Variants in DST observed in about 807,000 individuals in gnomAD.
DST encodes the protein bullous pemphigoid antigen.
DST carries 253 observed loss-of-function variants against 875.2 expected under a neutral mutation model. That is an observed-to-expected ratio of 0.29 (90% confidence interval 0.26 to 0.32). The LOEUF is 0.32. Among genes scored for constraint, DST ranks in the 10% least tolerant of loss-of-function variants. The pLI, the probability that DST is intolerant of heterozygous loss-of-function variation, is 1.00. For missense variants in DST, 8,287 were observed against 9,111.6 expected, an observed-to-expected ratio of 0.91 and a Z score of 3.68; for synonymous variants, 3,124 against 3,197.1, an observed-to-expected ratio of 0.98 and a Z score of 0.77.
At chr6:56,567,570 C>G (rs2097702008) in intron 55 of DST, among the ~76,000 whole-genome samples, 1 of 145,828 alleles carries the variant, frequency 6.9e-6, no homozygotes, top group Non-Finnish European at 1.5e-5. Flanking sequence ...AAAAAAACAA[C>G]AAAACTTCAC....
intron 55 of DST, among the ~76,000 whole-genome samples, chr6:56,567,429 TAAA>T (rs61119609): frequency 1.9e-5 from 2 of 104,846 alleles, no homozygotes; most frequent in Non-Finnish European, 3.8e-5. Flanking sequence ...TTACCAAGAG[TAAA>T]AAAAAAAAAA....
intron 3 of DST, among the ~76,000 whole-genome samples, chr6:56,889,748 A>T (rs1172553881): frequency 2.0e-5 from 3 of 152,272 alleles, no homozygotes; most frequent in Admixed American, 6.5e-5. Context: ...AAACACATAA[A>T]TACTTTTTGG....
chr6:56,785,544 C>G (rs550880704), intron 4 of DST, among the ~76,000 whole-genome samples: 3 of 152,288 alleles, frequency 2.0e-5, no homozygotes, highest in East Asian at 3.9e-4. Flanking sequence ...CCTGGTGCAC[C>G]GTTTCCTAAG....
intron 36 of DST, chr6:56,617,379 T>C: frequency 1.2e-6 from 2 of 1,613,890 alleles, no homozygotes; most frequent in Non-Finnish European, 1.7e-6. Flanking sequence ...TTTAATGTTG[T>C]GACTTCTGTA....
At position 56,532,420 on chromosome 6, in the gene DST, C is replaced by T. The variant is rs2096911905; in HGVS notation, c.17032G>A (p.Asp5678Asn). Residue 5678 changes from aspartate (D) to asparagine (N), a missense_variant, in exon 64 of 104, where the codon GAT becomes AAT. Physicochemically the swap from Asp to Asn is conservative, Grantham distance 23. Around this residue, in one of 10 missense-constraint regions of DST, gnomAD observed 777 missense variants for 764.8 expected, o/e 1.02. Transcript: ENST00000680361. ...EKIATTAEPADKVKILKQLSL... is the reference protein window; with the variant it reads ...EKIATTAEPANKVKILKQLSL... ...AGCTGTTTCAAAATCTTCACTTTAT[C>T]TGCGGGCTCTGCTGTTGTAGCAATT... 1 of 1,613,378 alleles carries T rather than the reference C, an allele frequency of 6.2e-7. No individual in the cohort carries two copies. Among genetic ancestry groups the T allele is most frequent in the Non-Finnish European group, 8.5e-7 (1 of 1,179,658 alleles).
intron 4 of DST, among the ~76,000 whole-genome samples, chr6:56,832,360 C>G (rs1055160256): frequency 6.6e-6 from 1 of 152,040 alleles, no homozygotes; most frequent in African/African-American, 2.4e-5. Context: ...GTAAGTCTCA[C>G]GAGATTCTGA....
At position 56,843,405 on chromosome 6, in the gene DST, T is replaced by C. The variant is rs980466193; in HGVS notation, c.625+7992A>G. 1.5e-5 allele frequency: 17 copies of C among 1,105,084 alleles called. 1 individual carries two copies. The highest frequency in any genetic ancestry group is 1.5e-4 in the East Asian group (3 of 19,924). The allele number at this position is 1,105,084 out of a possible 1,614,324, so 68.5% of individuals were successfully genotyped here. ...TCCGGGAGCCCGAGTCCCTCTCGGG[T>C]TTCAGCAGCGGCAAATCTCAGCGAG... On this transcript the variant is annotated intron_variant, in intron 4 of 103. Transcript: ENST00000680361.
At chr6:56,532,093 C>T (rs1400111700) in intron 64 of DST, among the ~76,000 whole-genome samples, 1 of 152,068 alleles carries the variant, frequency 6.6e-6, no homozygotes, top group African/African-American at 2.4e-5. Flanking sequence ...CAGGCAGTAA[C>T]TATGTAATAA....
intron 3 of DST, 45 bp downstream of exon 3, chr6:56,900,376 T>C (rs781575780): frequency 2.3e-5 from 30 of 1,300,782 alleles, no homozygotes; most frequent in Non-Finnish European, 2.8e-5. Flanking sequence ...CCACATGATT[T>C]GACAGTGAAT....
chr6:56,627,687 G>T (rs1014886220), intron 33 of DST, among the ~76,000 whole-genome samples: 1 of 152,106 alleles, frequency 6.6e-6, no homozygotes, highest in African/African-American at 2.4e-5. Context: ...TAGGAACCTA[G>T]AAAACTATTG....
At chr6:56,751,517 A>G (rs910877674) in intron 4 of DST, among the ~76,000 whole-genome samples, 4 of 152,156 alleles carry the variant, frequency 2.6e-5, no homozygotes, top group Non-Finnish European at 5.9e-5. Flanking sequence ...CAATTTGTAC[A>G]ATACTTTTTA....
intron 49 of DST, among the ~76,000 whole-genome samples, chr6:56,585,026 G>A (rs1585660986): frequency 6.6e-6 from 1 of 150,808 alleles, no homozygotes; most frequent in Non-Finnish European, 1.5e-5. Context: ...TTGCATCAAT[G>A]TTCATCAAGG....
chr6:56,553,058 T>C lies in DST; in HGVS notation c.15734A>G (p.Asp5245Gly). The change falls in exon 61 of 104, where the codon GAT becomes GGT. Residue 5245 changes from aspartate (D) to glycine (G), a missense_variant. Physicochemically the swap from Asp to Gly is moderately conservative, Grantham distance 94. This residue lies in a region of DST where 1,513 missense variants were observed against 1,677.8 expected (regional missense o/e 0.90). Transcript: ENST00000680361. ...CTTCTGGATCAGTGACTTATTCTCA[T>C]CTGTAACAACTTCTTTATCTATCTC... ...VCEIDKEVVTDENKSLIQKVD... is the reference protein window; with the variant it reads ...VCEIDKEVVTGENKSLIQKVD... The C allele has an allele frequency of 5.6e-6, 9 of 1,613,938 alleles. No individual in the cohort carries two copies. Among genetic ancestry groups the C allele is most frequent in the Non-Finnish European group, 7.6e-6 (9 of 1,179,906 alleles).
chr6:56,642,873 G>A lies in DST; in HGVS notation c.1779-370C>T, dbSNP rs1395674128. 30 of 1,598,044 alleles carry A rather than the reference G, an allele frequency of 1.9e-5. No individual in the cohort carries two copies. The Admixed American group carries it at 2.5e-4, about 13-fold the overall frequency. On this transcript the variant is annotated intron_variant, in intron 15 of 103. Transcript: ENST00000680361. ...GTCTGGAAAAAGCTCTACTTCTAACGGTGAAAAGTGGCAGCTGAATATTAC... is the reference window on the plus strand; with the variant it reads ...GTCTGGAAAAAGCTCTACTTCTAACAGTGAAAAGTGGCAGCTGAATATTAC...
At chr6:56,460,058 G>A (rs1166870872) in intron 103 of DST, 73 bp downstream of exon 103, 1 of 1,502,650 alleles carries the variant, frequency 6.7e-7, no homozygotes, top group Non-Finnish European at 8.9e-7. Context: ...CCCCAATGAG[G>A]AGGAAAAGGG....
At chr6:56,943,899 T>A (rs6929284) in intron 2 of DST, among the ~76,000 whole-genome samples, 19,478 of 152,104 alleles carry the variant, frequency 0.13, 1,450 homozygotes, top group Middle Eastern at 0.2. Context: ...GGTGGATCAC[T>A]TGAAGTCAGG....
At chr6:56,865,725 T>C (rs565525409) in intron 3 of DST, among the ~76,000 whole-genome samples, 1 of 152,232 alleles carries the variant, frequency 6.6e-6, no homozygotes, top group Admixed American at 6.5e-5. Flanking sequence ...GGCGTTACCT[T>C]CTCACCTGCC....
chr6:56,746,982 A>C lies in DST; in HGVS notation c.626-11693T>G, dbSNP rs547099891. On this transcript the variant is annotated intron_variant, in intron 4 of 103. Coordinates refer to ENST00000680361, the MANE Select transcript of DST (RefSeq NM_001374736.1). ...GACAGGGGAGGGGTGAGAGTTGGCG[A>C]GCAGAGGTGAAGGTGCAACTGGTGA... Among the ~76,000 whole-genome samples the C allele has an allele frequency of 5.9e-5, 9 of 152,262 alleles. No homozygotes were observed. The South Asian group carries it at 1.9e-3, about 32-fold the overall frequency.
chr6:56,827,798 A>G (rs2099782552), intron 4 of DST, among the ~76,000 whole-genome samples: 1 of 152,208 alleles, frequency 6.6e-6, no homozygotes, highest in South Asian at 2.1e-4. Flanking sequence ...AATGTAAAAT[A>G]TATGTGTGGA....
Sources: allele counts gnomAD v4.1 joint callset (sites outside exome capture counted in the v4.1 genomes callset), GRCh38; gene constraint gnomAD v4.1.1; regional missense constraint gnomAD v4.1.1; transcripts MANE v1.5; gene names NCBI Gene and HGNC (gene_info 2026-07-23, HGNC 2026-07-21).